The following CNTN5 variants were observed in gnomAD, a reference collection of about 807,000 sequenced individuals.
CNTN5 encodes contactin 5, also known as contactin-5.
CNTN5 carries 77 observed loss-of-function variants against 129.1 expected under a neutral mutation model. The observed-to-expected ratio is 0.60, with a 90% CI of 0.50 to 0.72. The LOEUF (loss-of-function observed/expected upper bound fraction) is 0.72, where lower values mean the gene tolerates loss of function less well. CNTN5 is among the 30% of genes least tolerant of loss of function. The pLI, the probability that CNTN5 is intolerant of heterozygous loss-of-function variation, is 0.00. For missense variants in CNTN5, 1,478 were observed against 1,328.8 expected (o/e 1.11, Z -1.75); for synonymous variants, 509 against 465.6 (o/e 1.09, Z -1.20).
intron 16 of CNTN5, among the ~76,000 whole-genome samples, chr11:100,245,742 C>A (rs778711087): frequency 3.9e-5 from 6 of 152,064 alleles, no homozygotes; most frequent in Non-Finnish European, 8.8e-5. Flanking sequence ...TAATGAAAAT[C>A]ATGGAGTTAA....
chr11:100,072,240 G>A (rs2137876264), intron 12 of CNTN5, among the ~76,000 whole-genome samples: 1 of 152,244 alleles, frequency 6.6e-6, no homozygotes, highest in Middle Eastern at 3.4e-3. Flanking sequence ...GTTCCTATCA[G>A]TAGCTGTGTG....
intron 9 of CNTN5, among the ~76,000 whole-genome samples, chr11:100,031,887 T>A (rs1941730323): frequency 1.3e-5 from 2 of 152,150 alleles, no homozygotes; most frequent in South Asian, 4.1e-4. Flanking sequence ...CTAAACTTAA[T>A]AACAAATGCT....
chr11:99,586,152 T>G (rs1320795543), intron 3 of CNTN5, among the ~76,000 whole-genome samples: 2 of 152,186 alleles, frequency 1.3e-5, no homozygotes, highest in Non-Finnish European at 2.9e-5. Flanking sequence ...CAATCAGTTT[T>G]TATTTTTTTC....
intron 1 of CNTN5, among the ~76,000 whole-genome samples, chr11:99,067,976 A>T (rs1009900797): frequency 2.6e-5 from 4 of 151,900 alleles, no homozygotes; most frequent in Non-Finnish European, 5.9e-5. Context: ...TTATCAGGAG[A>T]GCTGATGGTT....
At chr11:100,122,690 C>A (rs970207794) in intron 13 of CNTN5, among the ~76,000 whole-genome samples, 1 of 151,964 alleles carries the variant, frequency 6.6e-6, no homozygotes, top group African/African-American at 2.4e-5. Flanking sequence ...ATGGGCCATT[C>A]TGATGGTGTA....
chr11:100,000,191 G>C (rs916274698), intron 8 of CNTN5, among the ~76,000 whole-genome samples: 1 of 151,752 alleles, frequency 6.6e-6, no homozygotes, highest in Admixed American at 6.6e-5. Context: ...TAAATAAAAA[G>C]TCCAAGTCCA....
chr11:99,956,080 T>C (rs1021550660), intron 7 of CNTN5, among the ~76,000 whole-genome samples: 2 of 152,122 alleles, frequency 1.3e-5, no homozygotes, highest in African/African-American at 2.4e-5. Flanking sequence ...TAGGCTGGGA[T>C]GATAACAGAA....
At chr11:99,707,604 T>A (rs748538567) in intron 3 of CNTN5, among the ~76,000 whole-genome samples, 22 of 151,708 alleles carry the variant, frequency 1.5e-4, no homozygotes, top group Non-Finnish European at 2.8e-4. Flanking sequence ...ATAGTCTCAT[T>A]GTTTTTCACA....
intron 6 of CNTN5, among the ~76,000 whole-genome samples, chr11:99,863,059 TA>T (rs1948256882): frequency 6.6e-6 from 1 of 152,134 alleles, no homozygotes; most frequent in South Asian, 2.1e-4. Context: ...CTTTAGAAAT[TA>T]ACATTAGCTC....
chr11:99,169,563 C>T (rs1409134587), intron 1 of CNTN5, among the ~76,000 whole-genome samples: 1 of 152,030 alleles, frequency 6.6e-6, no homozygotes, highest in East Asian at 1.9e-4. Flanking sequence ...ATGATCCTTA[C>T]AAGTATTTGA....
At chr11:99,550,477 T>C (rs896995953) in intron 2 of CNTN5, among the ~76,000 whole-genome samples, 4 of 152,140 alleles carry the variant, frequency 2.6e-5, no homozygotes, top group African/African-American at 4.8e-5. Flanking sequence ...ATTCCAACCT[T>C]ATTCAGCCTT....
intron 3 of CNTN5, among the ~76,000 whole-genome samples, chr11:99,752,413 GA>G (rs1439911625): frequency 6.6e-6 from 1 of 152,080 alleles, no homozygotes; most frequent in Non-Finnish European, 1.5e-5. Context: ...CTGAATAAAT[GA>G]AAAGATAAAT....
In CNTN5 at chr11:100,193,547, G is replaced by T; in HGVS notation, c.1768G>T (p.Val590Phe). The T allele has an allele frequency of 6.2e-7, 1 of 1,610,952 alleles. No individual in the cohort carries two copies. Among genetic ancestry groups the T allele is most frequent in the Non-Finnish European group, 8.5e-7 (1 of 1,178,144 alleles). Residue 590 changes from valine (V) to phenylalanine (F), a missense_variant, in exon 15 of 25, where the codon GTC (valine) becomes TTC (phenylalanine). Val to Phe is a conservative substitution (Grantham distance 50, BLOSUM62 -1). Coordinates refer to ENST00000524871, the MANE Select transcript of CNTN5 (RefSeq NM_014361.4). ...RTELTVGESI[V>F]LNCKAIHDAS... ...AGAATTGACAGTGGGAGAAAGCATT[G>T]TCCTTAATTGCAAAGCAATTCACGA...
At chr11:100,050,320 T>C (rs1375394379) in intron 9 of CNTN5, among the ~76,000 whole-genome samples, 1 of 152,156 alleles carries the variant, frequency 6.6e-6, no homozygotes, top group African/African-American at 2.4e-5. Flanking sequence ...TTCATGTCCT[T>C]TGTAGGGACA....
chr11:100,245,074 A>G lies in CNTN5; in HGVS notation c.2006-10686A>G, dbSNP rs572396929. Reference sequence around the variant, plus strand: ...TAACTCAAATTGACTTAAACAATAAAGAAATCCACTGATTTTCATGACAGG... The same window carrying G: ...TAACTCAAATTGACTTAAACAATAAGGAAATCCACTGATTTTCATGACAGG... On this transcript the variant is annotated intron_variant, in intron 16 of 24. Coordinates refer to ENST00000524871, the MANE Select transcript of CNTN5 (RefSeq NM_014361.4). Among the ~76,000 whole-genome samples the G allele has an allele frequency of 7.9e-5, 12 of 152,318 alleles. 1 individual carries two copies. In the South Asian group the frequency reaches 2.5e-3, roughly 32 times the overall value.
At chr11:99,713,352 C>G (rs879784432) in intron 3 of CNTN5, among the ~76,000 whole-genome samples, 1 of 151,928 alleles carries the variant, frequency 6.6e-6, no homozygotes, top group Non-Finnish European at 1.5e-5. Context: ...ACTTTGTATC[C>G]TGAGACTTTG....
At chr11:99,684,805 C>G (rs551780634) in intron 3 of CNTN5, among the ~76,000 whole-genome samples, 2 of 151,640 alleles carry the variant, frequency 1.3e-5, no homozygotes, top group East Asian at 1.9e-4. Context: ...ATTGATGATT[C>G]TATTTTGGTT....
At chr11:99,065,796 T>C (rs907379838) in intron 1 of CNTN5, among the ~76,000 whole-genome samples, 2 of 152,098 alleles carry the variant, frequency 1.3e-5, no homozygotes, top group African/African-American at 4.8e-5. Flanking sequence ...AAAAGCTTGA[T>C]TCTTTTTATA....
intron 1 of CNTN5, among the ~76,000 whole-genome samples, chr11:99,204,286 A>G (rs2135641856): frequency 6.6e-6 from 1 of 152,328 alleles, no homozygotes; most frequent in Admixed American, 6.5e-5. Flanking sequence ...CAGAATGGAG[A>G]CAGAAAAACC....
Sources: gnomAD v4.1 joint callset for allele counts (sites outside exome capture counted in the v4.1 genomes callset) on GRCh38, gnomAD v4.1.1 for gene constraint, MANE v1.5 for transcripts, NCBI Gene and HGNC (gene_info 2026-07-23, HGNC 2026-07-21) for gene names.